FAM50B: variants seen among roughly 807,000 people sequenced by gnomAD.
FAM50B encodes the protein family with sequence similarity 50 member B, also known as protein FAM50B.
FAM50B carries 9 observed loss-of-function variants against 25.4 expected under a neutral mutation model. That is an observed-to-expected ratio of 0.35 (90% CI 0.21 to 0.62). FAM50B has a LOEUF of 0.62. FAM50B is among the 20% of genes least tolerant of loss of function. The probability of loss-of-function intolerance (pLI) is 0.73; values close to 1 mark genes in which losing one functional copy is unlikely to be tolerated. For synonymous variants in FAM50B, 212 were observed against 204.3 expected, an observed-to-expected ratio of 1.04 and a Z score of -0.32; for missense variants, 372 against 477.9, an observed-to-expected ratio of 0.78 and a Z score of 2.07.
At chr6:3,841,929 C>T in the FAM50B span, among the ~76,000 whole-genome samples, 1 of 152,246 alleles carries the variant, frequency 6.6e-6, no homozygotes, top group Admixed American at 6.5e-5. Flanking sequence ...TGGTGATGTT[C>T]TGCCAGGTGC....
At chr6:3,843,934 C>T in the FAM50B span, among the ~76,000 whole-genome samples, 52 of 152,092 alleles carry the variant, frequency 3.4e-4, no homozygotes, top group Non-Finnish European at 5.1e-4. Flanking sequence ...GAGATGCTAT[C>T]GGGGCACGCC....
the FAM50B span, among the ~76,000 whole-genome samples, chr6:3,844,103 G>A: frequency 6.6e-6 from 1 of 152,178 alleles, no homozygotes; most frequent in Non-Finnish European, 1.5e-5. Context: ...TTATTTGCGG[G>A]GGTCTGTTAT....
the FAM50B span, among the ~76,000 whole-genome samples, chr6:3,844,227 G>C: frequency 6.6e-6 from 1 of 152,138 alleles, no homozygotes; most frequent in Non-Finnish European, 1.5e-5. Context: ...TTGTGACTAA[G>C]CCTGGAGGAG....
At chr6:3,846,005 G>A (rs1762116370), upstream of FAM50B, among the ~76,000 whole-genome samples, 2 of 152,156 alleles carry the variant, frequency 1.3e-5, no homozygotes, top group Non-Finnish European at 2.9e-5. Context: ...ACAGGTGTGA[G>A]CCACTGCGCC....
At chr6:3,842,392 AAC>A in the FAM50B span, among the ~76,000 whole-genome samples, 5 of 152,230 alleles carry the variant, frequency 3.3e-5, no homozygotes, top group African/African-American at 1.2e-4. Flanking sequence ...TACATAAAAC[AAC>A]ACTTTCATCT....
At chr6:3,840,487 A>T in the FAM50B span, among the ~76,000 whole-genome samples, 1 of 152,142 alleles carries the variant, frequency 6.6e-6, no homozygotes, top group African/African-American at 2.4e-5. Context: ...AAAACAAAAA[A>T]AACATAGCAT....
At chr6:3,832,978 C>T in the FAM50B span, among the ~76,000 whole-genome samples, 1 of 152,146 alleles carries the variant, frequency 6.6e-6, no homozygotes, top group African/African-American at 2.4e-5. Flanking sequence ...TCTCCCGTCT[C>T]AGCCCCCAAG....
At chr6:3,844,253 A>C in the FAM50B span, among the ~76,000 whole-genome samples, 4 of 152,036 alleles carry the variant, frequency 2.6e-5, no homozygotes, top group Non-Finnish European at 4.4e-5. Flanking sequence ...ATTTTTTTCT[A>C]AATTAGTTTG....
Position 3,850,821 on chromosome 6 carries a change from G to A in FAM50B, c.*32G>A, listed in dbSNP as rs1481082516. On this transcript the variant is annotated 3_prime_UTR_variant, in exon 2 of 2. Transcript: ENST00000648326. ...CCTGCCAGAGCGGAAACCGGGGGTG[G>A]GGGGAGACACTCATTTCTAGGCCCC... 1 of 1,604,578 alleles carries A rather than the reference G, an allele frequency of 6.2e-7. No homozygotes were observed. Among genetic ancestry groups the A allele is most frequent in the Middle Eastern group, 1.7e-4 (1 of 5,984 alleles).
chr6:3,837,836 C>G, the FAM50B span, among the ~76,000 whole-genome samples: 2 of 152,114 alleles, frequency 1.3e-5, no homozygotes, highest in Admixed American at 1.3e-4. Flanking sequence ...CCATGATAAC[C>G]CATTAATCCA....
the FAM50B span, among the ~76,000 whole-genome samples, chr6:3,841,292 G>T: frequency 7.9e-5 from 12 of 152,180 alleles, no homozygotes; most frequent in Admixed American, 3.9e-4. Flanking sequence ...CAATTCCCCT[G>T]GGGCTGGTGG....
chr6:3,840,966 T>C, the FAM50B span, among the ~76,000 whole-genome samples: 21 of 152,240 alleles, frequency 1.4e-4, no homozygotes, highest in Non-Finnish European at 2.6e-4. Flanking sequence ...TCATGTCTTT[T>C]TATTTATTTG....
In FAM50B at chr6:3,851,017, G is replaced by T; in HGVS notation, c.*228G>T. 1.5e-6 allele frequency: 1 copy of T among 650,926 alleles called. No homozygotes were observed. The highest frequency in any genetic ancestry group is 2.6e-6 in the Non-Finnish European group (1 of 384,282). 40.3% of individuals were successfully genotyped at this position (650,926 alleles called of 1,614,324 possible). A position where few individuals can be genotyped will look rare whatever the true frequency, so the allele number is the denominator to read the frequency against. ...CCACCTGGATTTGCTGCATTGCTCT[G>T]CTGAGCTGTATTGAAACCATGACTG... On this transcript the variant is annotated 3_prime_UTR_variant, in exon 2 of 2. Coordinates refer to ENST00000648326, the MANE Select transcript of FAM50B (RefSeq NM_012135.3).
At chr6:3,840,744 T>C in the FAM50B span, among the ~76,000 whole-genome samples, 1 of 152,230 alleles carries the variant, frequency 6.6e-6, no homozygotes, top group Non-Finnish European at 1.5e-5. Context: ...ACGTGTGCCC[T>C]GAACAGCACC....
upstream of FAM50B, among the ~76,000 whole-genome samples, chr6:3,846,368 T>C (rs1276530796): frequency 1.3e-5 from 2 of 152,204 alleles, no homozygotes; most frequent in Non-Finnish European, 2.9e-5. Context: ...TGCAGTAGCA[T>C]TTTGTCTAAG....
chr6:3,848,828 G>A (rs1372276620), upstream of FAM50B, among the ~76,000 whole-genome samples: 1 of 152,194 alleles, frequency 6.6e-6, no homozygotes, highest in African/African-American at 2.4e-5. Flanking sequence ...GGTCAAACAA[G>A]CTGAGTGCAG....
chr6:3,844,688 TG>T (rs1762102047), upstream of FAM50B, among the ~76,000 whole-genome samples: 1 of 152,052 alleles, frequency 6.6e-6, no homozygotes, highest in Non-Finnish European at 1.5e-5. Flanking sequence ...TACTCCAGCC[TG>T]GAAGACAGAG....
chr6:3,844,437 G>A (rs190276081), upstream of FAM50B, among the ~76,000 whole-genome samples: 480 of 152,248 alleles, frequency 3.2e-3, 2 homozygotes, highest in Non-Finnish European at 5.6e-3. Context: ...AATACCGGGC[G>A]AGGTGGCTCA....
At chr6:3,839,906 G>A in the FAM50B span, among the ~76,000 whole-genome samples, 24 of 152,312 alleles carry the variant, frequency 1.6e-4, no homozygotes, top group East Asian at 1.9e-3. Flanking sequence ...TGCACTTTGG[G>A]AGGCCGAGGC....
Sources: allele counts gnomAD v4.1 joint callset (sites outside exome capture counted in the v4.1 genomes callset), GRCh38; gene constraint gnomAD v4.1.1; transcripts MANE v1.5; gene names NCBI Gene and HGNC (gene_info 2026-07-23, HGNC 2026-07-21).